Variants in KAT6B observed in about 807,000 individuals in gnomAD.
KAT6B encodes lysine acetyltransferase 6B.
In KAT6B, 10 loss-of-function variants were observed where a neutral mutation model predicts 187.5. That is an observed-to-expected ratio of 0.05 (90% CI 0.03 to 0.09). The LOEUF (loss-of-function observed/expected upper bound fraction) is 0.09. Among genes scored for constraint, KAT6B ranks in the 10% least tolerant of loss-of-function variants. KAT6B has a pLI of 1.00. For synonymous variants in KAT6B, 861 were observed against 926.8 expected, an observed-to-expected ratio of 0.93 and a Z score of 1.29; for missense variants, 1,952 against 2,558.9, an observed-to-expected ratio of 0.76 and a Z score of 5.12.
At position 75,014,996 on chromosome 10, in the gene KAT6B, C is replaced by T. The variant is rs79403634; in HGVS notation, c.2630-5586C>T. ...GGGTTCTAGTGGTGGTTTTCAAACT[C>T]GGGTACATCAGAATCACCTGGGGGA... On this transcript the variant is annotated intron_variant, in intron 13 of 17. Transcript: ENST00000287239. 5.1e-3 allele frequency among the ~76,000 whole-genome samples: 774 copies of T among 152,272 alleles called. 2 individuals carry two copies. Among genetic ancestry groups the T allele is most frequent in the Middle Eastern group, 0.01 (3 of 294 alleles).
chr10:74,908,787 A>G (rs747166027), intron 3 of KAT6B, among the ~76,000 whole-genome samples: 6 of 152,058 alleles, frequency 3.9e-5, no homozygotes, highest in Non-Finnish European at 5.9e-5. Flanking sequence ...ATCATGATAT[A>G]AGTTCTTCGT....
chr10:74,866,265 AG>A (rs1843546548), intron 3 of KAT6B, among the ~76,000 whole-genome samples: 1 of 151,612 alleles, frequency 6.6e-6, no homozygotes, highest in African/African-American at 2.4e-5. Context: ...TGTCTTTATG[AG>A]TTGGGAGATG....
intron 3 of KAT6B, among the ~76,000 whole-genome samples, chr10:74,948,569 T>C (rs1267448585): frequency 3.9e-5 from 6 of 152,236 alleles, no homozygotes; most frequent in African/African-American, 1.4e-4. Flanking sequence ...TTGGCAGGAT[T>C]AATAGTAAGA....
chr10:74,966,572 T>C (rs1841486551), intron 4 of KAT6B, among the ~76,000 whole-genome samples: 1 of 152,268 alleles, frequency 6.6e-6, no homozygotes, highest in Non-Finnish European at 1.5e-5. Context: ...GATAAAACTA[T>C]TGTAAGCTAC....
intron 3 of KAT6B, among the ~76,000 whole-genome samples, chr10:74,864,953 T>C (rs924795374): frequency 6.6e-6 from 1 of 152,244 alleles, no homozygotes; most frequent in Non-Finnish European, 1.5e-5. Flanking sequence ...GATCGGACTT[T>C]GGTATTTTTT....
At chr10:74,835,172 G>A (rs894647654) in intron 1 of KAT6B, among the ~76,000 whole-genome samples, 2 of 152,212 alleles carry the variant, frequency 1.3e-5, no homozygotes, top group African/African-American at 4.8e-5. Context: ...AGACAAAGAT[G>A]TTTGGGGCTT....
intron 3 of KAT6B, among the ~76,000 whole-genome samples, chr10:74,903,564 C>T (rs902572568): frequency 1.3e-5 from 2 of 152,298 alleles, no homozygotes; most frequent in South Asian, 4.1e-4. Context: ...CGCTAGGAAC[C>T]GAATTATTCT....
In KAT6B at chr10:74,977,341, A is replaced by T; in HGVS notation, c.2019A>T (p.Lys673Asn). The T allele has an allele frequency of 6.2e-7, 1 of 1,613,614 alleles. No homozygotes were observed. Among genetic ancestry groups the T allele is most frequent in the Non-Finnish European group, 8.5e-7 (1 of 1,179,616 alleles). ...ATACTGAAATAAAAATAAACATCAA[A>T]CAAGAAAGTGCAGATGTAAATGTGA... ...DDDTEIKINI[K>N]QESADVNVIG... Residue 673 changes from lysine to asparagine, a missense_variant, in exon 9 of 18, where the codon AAA becomes AAT. By Grantham distance (94) the Lys-to-Asn change is moderately conservative. This residue lies in a region of KAT6B where 417 missense variants were observed against 508.9 expected (regional missense o/e 0.82). Transcript: ENST00000287239.
intron 3 of KAT6B, among the ~76,000 whole-genome samples, chr10:74,896,561 A>C (rs1846005423): frequency 6.6e-6 from 1 of 152,240 alleles, no homozygotes; most frequent in African/African-American, 2.4e-5. Flanking sequence ...AAGTGCTGGG[A>C]TTACAGGCAT....
chr10:74,963,290 A>C (rs1418972521), intron 4 of KAT6B, among the ~76,000 whole-genome samples: 3 of 152,240 alleles, frequency 2.0e-5, no homozygotes, highest in Non-Finnish European at 4.4e-5. Context: ...TTAGCTTCAC[A>C]TAAGTATTAG....
chr10:75,019,446 C>CA (rs1358290665), intron 13 of KAT6B, among the ~76,000 whole-genome samples: 1 of 152,088 alleles, frequency 6.6e-6, no homozygotes, highest in Admixed American at 6.5e-5. Flanking sequence ...TCTTCTTTAA[C>CA]AAAAAATAAC....
chr10:74,841,581 TA>T (rs549035050), intron 2 of KAT6B, among the ~76,000 whole-genome samples: 3 of 151,544 alleles, frequency 2.0e-5, no homozygotes, highest in Non-Finnish European at 4.4e-5. Context: ...AAAAAATTAA[TA>T]AAAAAAATTA....
chr10:74,944,898 C>G (rs1315178094), intron 3 of KAT6B, among the ~76,000 whole-genome samples: 1 of 147,930 alleles, frequency 6.8e-6, no homozygotes, highest in African/African-American at 2.5e-5. Flanking sequence ...ATTAAAAACA[C>G]TGATAATACC....
chr10:74,975,553 C>G lies in KAT6B; in HGVS notation c.1216C>G (p.Arg406Gly). Residue 406 changes from arginine to glycine, a missense_variant, in exon 8 of 18, where the codon CGG becomes GGG. Physicochemically the swap from Arg to Gly is moderately radical, Grantham distance 125. Transcript: ENST00000287239. ...CAGATTGGCTGTTACAGACCCCACT[C>G]GGCCTGGTGCCACCACCAAAATCAC... ...SSRLAVTDPT[R>G]PGATTKITTT... 6.2e-7 allele frequency: 1 copy of G among 1,614,012 alleles called. No homozygotes were observed. The highest frequency in any genetic ancestry group is 8.5e-7 in the Non-Finnish European group (1 of 1,180,010).
intron 3 of KAT6B, among the ~76,000 whole-genome samples, chr10:74,878,689 A>T (rs1418872464): frequency 6.6e-6 from 1 of 151,632 alleles, no homozygotes; most frequent in African/African-American, 2.4e-5. Flanking sequence ...TAACTTCTAG[A>T]TTGAGATTTG....
At chr10:74,900,706 C>T (rs1467900519) in intron 3 of KAT6B, among the ~76,000 whole-genome samples, 4 of 152,184 alleles carry the variant, frequency 2.6e-5, no homozygotes, top group African/African-American at 9.7e-5. Flanking sequence ...GGGTGATATA[C>T]CAGAAGAAGA....
intron 1 of KAT6B, among the ~76,000 whole-genome samples, chr10:74,830,509 A>T (rs1299478616): frequency 6.6e-6 from 1 of 151,778 alleles, no homozygotes; most frequent in Non-Finnish European, 1.5e-5. Context: ...CTAGGGTTAG[A>T]TGATGAATTG....
In KAT6B at chr10:74,846,168, T is replaced by C. The variant is rs1255414681; in HGVS notation, c.621+2690T>C. Among the ~76,000 whole-genome samples, 4 of 152,124 alleles carry C rather than the reference T, an allele frequency of 2.6e-5. No individual in the cohort carries two copies. In the East Asian group the frequency reaches 7.8e-4, roughly 30 times the overall value. ...CATGAGCCACTGTGCCTGGCCAACA[T>C]TTATTTGTTAACTATATTTTTATTT... On this transcript the variant is annotated intron_variant, in intron 3 of 17. Transcript: ENST00000287239.
chr10:74,908,549 C>CAA (rs10715826), intron 3 of KAT6B, among the ~76,000 whole-genome samples: 1,320 of 109,368 alleles, frequency 0.012, 19 homozygotes, highest in East Asian at 0.044. Flanking sequence ...GACCCCGTCT[C>CAA]AAAAAAAAAA....
Sources: gnomAD v4.1 joint callset for allele counts (sites outside exome capture counted in the v4.1 genomes callset) on GRCh38, gnomAD v4.1.1 for gene constraint, gnomAD v4.1.1 regional missense constraint, MANE v1.5 for transcripts, NCBI Gene and HGNC (gene_info 2026-07-23, HGNC 2026-07-21) for gene names.